The following ZNF394 variants were observed in gnomAD, a reference collection of about 807,000 sequenced individuals.
The protein encoded by ZNF394 is zinc finger protein 394, also known as zinc finger protein 99.
ZNF394 carries 19 observed loss-of-function variants against 21.8 expected under a neutral mutation model. The ratio of observed to expected loss-of-function variants is 0.87; its 90% CI spans 0.61 to 1.28. The LOEUF (loss-of-function observed/expected upper bound fraction) is 1.28. Ranked by LOEUF, ZNF394 falls within the 50% of genes most tolerant of loss-of-function variation. The pLI, the probability that ZNF394 is intolerant of heterozygous loss-of-function variation, is 0.00. For missense variants in ZNF394, 683 were observed against 708.6 expected, an observed-to-expected ratio of 0.96 and a Z score of 0.41; for synonymous variants, 294 against 273.3, an observed-to-expected ratio of 1.08 and a Z score of -0.75.
chr7:99,488,842 C>T (rs1310650663), downstream of ZNF394, among the ~76,000 whole-genome samples: 1 of 149,530 alleles, frequency 6.7e-6, no homozygotes, highest in Admixed American at 6.7e-5. Context: ...GTAGGAGAAT[C>T]ACCTACCTCA....
chr7:99,489,385 TCTGA>T (rs1450316010), downstream of ZNF394, among the ~76,000 whole-genome samples: 1 of 152,176 alleles, frequency 6.6e-6, no homozygotes, highest in Non-Finnish European at 1.5e-5. Context: ...GTGGGCTTCA[TCTGA>T]CTGTGTCTGC....
rs779521075 is a variant in ZNF394 at position 99,493,679 on chromosome 7, G to A, written c.1536C>T (p.Leu512=). Residue 512 remains leucine, a synonymous_variant, in exon 3 of 3, where the codon CTC becomes CTT. Transcript: ENST00000337673. Reference sequence around the variant, plus strand: ...CAGTGTGAATTCTCTGGTGTTTAATGAGGGTTGCACTCTGATTGAAGCGTT... The same window carrying A: ...CAGTGTGAATTCTCTGGTGTTTAATAAGGGTTGCACTCTGATTGAAGCGTT... The part of the protein sequence containing the change: ...CGKRFNQSAT[L]IKHQRIHTGE... 42 of 1,614,096 alleles carry A rather than the reference G, an allele frequency of 2.6e-5. No individual in the cohort carries two copies. The East Asian group carries it at 6.0e-4, about 23-fold the overall frequency.
At position 99,494,258 on chromosome 7, in the gene ZNF394, T is replaced by G; in HGVS notation, c.957A>C (p.Gln319His). The change falls in exon 3 of 3, where the codon CAA (glutamine) becomes CAC (histidine). Residue 319 changes from glutamine to histidine, a missense_variant. Gln to His is a conservative substitution (Grantham distance 24). This residue lies in a region of ZNF394 where 274 missense variants were observed against 314.1 expected (regional missense o/e 0.87). Transcript: ENST00000337673. The stretch of plus-strand genomic sequence containing the variant: ...CGTGCCACGTCACCATGTGGAAACT[T>G]TGCTTGCACTTGTTCCCGTGTTCCT... ...DSEEHGNKCK[Q>H]SFHMVTWHVL... 6.2e-7 allele frequency: 1 copy of G among 1,614,236 alleles called. No homozygotes were observed. The highest frequency in any genetic ancestry group is 8.5e-7 in the Non-Finnish European group (1 of 1,180,038).
intron 2 of ZNF394, among the ~76,000 whole-genome samples, chr7:99,497,087 C>CGTGTGTGTGTGTGTGTGT (rs201206255): frequency 6.3e-5 from 6 of 94,686 alleles, no homozygotes; most frequent in African/African-American, 4.1e-4. Context: ...TACATACATA[C>CGTGTGTGTGTGTGTGTGT]GTGTGTGTGT....
chr7:99,493,265 T>C lies in ZNF394; in HGVS notation c.*264A>G, dbSNP rs1029777814. 4.4e-5 allele frequency: 51 copies of C among 1,160,662 alleles called. 1 individual carries two copies. The highest frequency in any genetic ancestry group is 5.1e-5 in the Non-Finnish European group (48 of 940,880). 71.9% of individuals were successfully genotyped at this position (1,160,662 alleles called of 1,614,324 possible). A position where few individuals can be genotyped will look rare whatever the true frequency, so the allele number is the denominator to read the frequency against. Reference sequence around the variant, plus strand: ...AACATATCAAAATGACAGCACTTTATTTCTTTTTTGAGATGGAGTCTCGCT... The same window carrying C: ...AACATATCAAAATGACAGCACTTTACTTCTTTTTTGAGATGGAGTCTCGCT... On this transcript the variant is annotated 3_prime_UTR_variant, in exon 3 of 3. Coordinates refer to ENST00000337673, the MANE Select transcript of ZNF394 (RefSeq NM_032164.4).
At chr7:99,487,628 G>A (rs1275152115) in intron 1 of ZNF394, 2 of 955,910 alleles carry the variant, frequency 2.1e-6, no homozygotes, top group Non-Finnish European at 1.5e-6. Flanking sequence ...TAGCCAATCT[G>A]TAGTGAAGAA....
Position 99,494,705 on chromosome 7 carries a change from G to A in ZNF394, c.584-74C>T, listed in dbSNP as rs146687178. On this transcript the variant is annotated intron_variant, in intron 2 of 2. Coordinates refer to ENST00000337673, the MANE Select transcript of ZNF394 (RefSeq NM_032164.4). ...AGAAATAAGCAAGTGCTGGCAGAAT[G>A]TTAAACCCTCAAACCCCTTTTACTT... 1.1e-3 allele frequency: 1,609 copies of A among 1,498,578 alleles called. 16 individuals are homozygous for A. In the African/African-American group the frequency reaches 0.02, roughly 19 times the overall value. The allele number at this position is 1,498,578 out of a possible 1,614,324, so 92.8% of individuals were successfully genotyped here.
rs369951167 is a variant in ZNF394 at position 99,493,793 on chromosome 7, G to A, written c.1422C>T (p.Cys474=). The A allele has an allele frequency of 3.7e-5, 59 of 1,613,018 alleles. 1 individual carries two copies. Among genetic ancestry groups the A allele is most frequent in the South Asian group, 5.5e-5 (5 of 91,034 alleles). Residue 474 remains cysteine, a synonymous_variant, in exon 3 of 3, where the codon TGC becomes TGT. Coordinates refer to ENST00000337673, the MANE Select transcript of ZNF394 (RefSeq NM_032164.4). ...KGERPYKCEE[C]EKSFKQRSDL... is the part of the protein sequence containing the mutation. Reference sequence around the variant, plus strand: ...CAGAGCGCTGTTTGAAGCTCTTCTCGCATTCTTCACACTTATAGGGTCTTT... The same window carrying A: ...CAGAGCGCTGTTTGAAGCTCTTCTCACATTCTTCACACTTATAGGGTCTTT...
Position 99,498,736 on chromosome 7 carries a change from G to A in ZNF394, c.563C>T (p.Ser188Phe). Residue 188 changes from serine (S) to phenylalanine (F), a missense_variant, in exon 2 of 3, where the codon TCC becomes TTC. Ser to Phe is a radical substitution (Grantham distance 155, BLOSUM62 -2). Transcript: ENST00000337673. ...CTCACTCGGCGGAACTGTGCTCCCG[G>A]AATCCTTCTGCGCACTCTCTCTGCA... ...DFCRESAQKDSGSTVPPSLES... is the reference protein window; with the variant it reads ...DFCRESAQKDFGSTVPPSLES... The A allele has an allele frequency of 1.9e-6, 3 of 1,614,028 alleles. No homozygotes were observed. Among genetic ancestry groups the A allele is most frequent in the African/African-American group, 1.3e-5 (1 of 75,022 alleles).
rs199928366 is a variant in ZNF394 at position 99,494,439 on chromosome 7, G to A, written c.776C>T (p.Pro259Leu). The A allele has an allele frequency of 2.7e-5, 43 of 1,614,000 alleles. No individual in the cohort carries two copies. The Middle Eastern group carries it at 4.9e-4, about 19-fold the overall frequency. ...DPLPLKLENS[P>L]EAEGLNSISD... ...GATGCTGTTGAGTCCTTCTGCTTCA[G>A]GAGAATTTTCAAGTTTCAGGGGCAA... Residue 259 changes from proline to leucine, a missense_variant, in exon 3 of 3, where the codon CCT becomes CTT. Physicochemically the swap from Pro to Leu is moderately conservative, Grantham distance 98 (BLOSUM62 -3). Around this residue, in one of 3 missense-constraint regions of ZNF394, gnomAD observed 402 missense variants for 373.8 expected, o/e 1.08. Transcript: ENST00000337673.
downstream of ZNF394, among the ~76,000 whole-genome samples, chr7:99,492,140 G>A (rs1003435980): frequency 6.6e-6 from 1 of 151,762 alleles, no homozygotes; most frequent in Non-Finnish European, 1.5e-5. Flanking sequence ...CCTAGAATGG[G>A]AAAGAAAGAG....
At chr7:99,495,923 ATTTAT>A (rs1448061569) in intron 2 of ZNF394, among the ~76,000 whole-genome samples, 3 of 150,530 alleles carry the variant, frequency 2.0e-5, no homozygotes, top group Non-Finnish European at 3.0e-5. Context: ...CACCCAGCCT[ATTTAT>A]TTTATCTTTT....
intron 1 of ZNF394, chr7:99,487,320 A>C: frequency 1.9e-6 from 3 of 1,614,232 alleles, no homozygotes; most frequent in Non-Finnish European, 2.5e-6. Flanking sequence ...AATTCTTTCA[A>C]TGTGGAGAAT....
At chr7:99,487,476 G>A in intron 1 of ZNF394, 2 of 1,610,258 alleles carry the variant, frequency 1.2e-6, no homozygotes, top group Non-Finnish European at 1.7e-6. Context: ...ACAAAGGACA[G>A]ATATCCACAT....
At chr7:99,492,939 G>A (rs537374152), downstream of ZNF394, among the ~76,000 whole-genome samples, 5 of 152,216 alleles carry the variant, frequency 3.3e-5, no homozygotes, top group East Asian at 5.8e-4. Flanking sequence ...GGGCTACGAC[G>A]AGACCCAGTC....
intron 2 of ZNF394, chr7:99,497,787 G>C (rs1562894955): frequency 6.6e-6 from 1 of 152,028 alleles, no homozygotes; most frequent in Non-Finnish European, 1.5e-5. Context: ...TGCTTGGCTT[G>C]GGAGGCAGAA....
At chr7:99,497,145 T>C (rs1326099242) in intron 2 of ZNF394, among the ~76,000 whole-genome samples, 1 of 137,422 alleles carries the variant, frequency 7.3e-6, no homozygotes, top group Admixed American at 7.3e-5. Context: ...TATATATGTA[T>C]ATATATATAT....
rs1800415607 is a variant in ZNF394, at chr7:99,498,765, GTCCC to G, written c.530_533del (p.Arg177ThrfsTer28). ...CCTTCTGCGCACTCTCTCTGCAGAA[GTCCC>G]TCCGTGCTGGGTCCAGGCGCTCCCA... On this transcript the variant is annotated frameshift_variant, in exon 2 of 3. Transcript: ENST00000337673. LOFTEE classifies it low-confidence loss of function (END_TRUNC). 1.2e-6 allele frequency: 2 copies of G among 1,614,138 alleles called. No homozygotes were observed. Among genetic ancestry groups the G allele is most frequent in the Non-Finnish European group, 1.7e-6 (2 of 1,180,016 alleles).
chr7:99,491,014 G>A (rs1800150820), downstream of ZNF394, among the ~76,000 whole-genome samples: 1 of 152,030 alleles, frequency 6.6e-6, no homozygotes. Flanking sequence ...CTAGTGCCCT[G>A]ACTGCTGTTT....
Sources: allele counts gnomAD v4.1 joint callset (sites outside exome capture counted in the v4.1 genomes callset), GRCh38; gene constraint gnomAD v4.1.1; regional missense constraint gnomAD v4.1.1; transcripts MANE v1.5; gene names NCBI Gene and HGNC (gene_info 2026-07-23, HGNC 2026-07-21).